The following LCN8 variants were observed in gnomAD, a reference collection of about 807,000 sequenced individuals.
The protein encoded by LCN8 is lipocalin 8.
LCN8 carries 16 observed loss-of-function variants against 22.8 expected under a neutral mutation model. The ratio of observed to expected loss-of-function variants is 0.70; its 90% CI spans 0.47 to 1.06. The LOEUF (loss-of-function observed/expected upper bound fraction) is 1.06, where lower values mean the gene tolerates loss of function less well. Ranked by LOEUF, LCN8 falls within the 50% of genes least tolerant of loss-of-function variation. The pLI is 0.00. For synonymous variants in LCN8, 92 were observed against 83.4 expected (o/e 1.10, Z -0.56); for missense variants, 189 against 203.3 (o/e 0.93, Z 0.43).
rs369638208 is a variant in LCN8, at chr9:136,756,549, C to T, written c.199G>A (p.Asp67Asn). 4 of 1,613,956 alleles carry T rather than the reference C, an allele frequency of 2.5e-6. No homozygotes were observed. The African/African-American group carries it at 4.0e-5, about 16-fold the overall frequency. The change falls in exon 3 of 7, where the codon GAC becomes AAC. Residue 67 changes from aspartate (D) to asparagine (N), a missense_variant. Asp to Asn is a conservative substitution (Grantham distance 23). Coordinates refer to ENST00000371688, the MANE Select transcript of LCN8 (RefSeq NM_178469.4). ...EIEKIVGSEI[D>N]STGKFAFPGH... The stretch of plus-strand genomic sequence containing the variant: ...GGAAAAGCGAATTTTCCCGTACTGT[C>T]TATTTCTGAGCCCACGATCTTCTCT...
chr9:136,754,543 G>T, intron 6 of LCN8, 34 bp from the exon 7 acceptor site: 1 of 1,549,114 alleles, frequency 6.5e-7, no homozygotes. Flanking sequence ...TCAGGCCCGT[G>T]TGGTCTCTGG....
chr9:136,758,466 A>C, upstream of LCN8: 1 of 991,692 alleles, frequency 1.0e-6, no homozygotes, highest in Non-Finnish European at 1.2e-6. Flanking sequence ...GGGCAGTCAG[A>C]GCTCCGGAGG....
intron 5 of LCN8, 29 bp downstream of exon 5, chr9:136,755,215 A>C (rs761685170): frequency 6.2e-7 from 1 of 1,611,092 alleles, no homozygotes; most frequent in Non-Finnish European, 8.5e-7. Flanking sequence ...GGCCCAGCCC[A>C]GCCTCCACCC....
intron 6 of LCN8, chr9:136,754,791 C>T (rs927863023): frequency 8.8e-5 from 121 of 1,372,328 alleles, no homozygotes; most frequent in East Asian, 7.7e-4. Flanking sequence ...ACGGGACCTT[C>T]GGGGGCAGAA....
intron 2 of LCN8, 119 bp from the exon 3 acceptor site, chr9:136,756,711 A>AG (rs57411373): frequency 0.79 from 1,146,993 of 1,449,734 alleles, 458,874 homozygotes; most frequent in East Asian, 0.87. Context: ...GGAGTATCCC[A>AG]GGCCTGGAGC....
Position 136,754,459 on chromosome 9 carries a change from C to A in LCN8, c.*39G>T. The A allele has an allele frequency of 1.3e-6, 1 of 771,802 alleles. No homozygotes were observed. The highest frequency in any genetic ancestry group is 4.6e-5 in the East Asian group (1 of 21,512). The allele number at this position is 771,802 out of a possible 1,614,324, so 47.8% of individuals were successfully genotyped here. A position where few individuals can be genotyped will look rare whatever the true frequency, so the allele number is the denominator to read the frequency against. On this transcript the variant is annotated 3_prime_UTR_variant, in exon 7 of 7. Coordinates refer to ENST00000371688, the MANE Select transcript of LCN8 (RefSeq NM_178469.4). Reference sequence around the variant, plus strand: ...GGTGCCCAGGAGGGGCAGGGGTGGGCGGGCGCTCCGAACCTTGTGGTCTGA... The same window carrying A: ...GGTGCCCAGGAGGGGCAGGGGTGGGAGGGCGCTCCGAACCTTGTGGTCTGA...
At chr9:136,755,023 A>G in intron 6 of LCN8, 112 bp downstream of exon 6, 1 of 1,439,080 alleles carries the variant, frequency 6.9e-7, no homozygotes, top group Non-Finnish European at 9.1e-7. Context: ...AAGGGGTGAG[A>G]AGGCCCAGCC....
intron 3 of LCN8, 191 bp from the exon 4 acceptor site, chr9:136,755,707 T>C (rs149811927): frequency 4.8e-6 from 2 of 414,582 alleles, no homozygotes; most frequent in Non-Finnish European, 7.4e-6. Flanking sequence ...GGGCATGAAA[T>C]GTGCAGGGAA....
At chr9:136,757,850 G>T in intron 1 of LCN8, 57 bp downstream of exon 1, 1 of 1,613,270 alleles carries the variant, frequency 6.2e-7, no homozygotes, top group South Asian at 1.1e-5. Context: ...CTCCTTCCCT[G>T]AGCCTGAGGG....
rs1021416607 is a variant in LCN8 at position 136,756,609 on chromosome 9, T to G, written c.156-17A>C. 3.7e-6 allele frequency: 6 copies of G among 1,612,176 alleles called. No homozygotes were observed. In the East Asian group the frequency reaches 1.3e-4, roughly 36 times the overall value. On this transcript the variant is annotated splice_polypyrimidine_tract_variant and intron_variant, in intron 2 of 6. Transcript: ENST00000371688. ...CTTCCTGAGCTGAAAGGCAGCAAAG[T>G]GCCCATCGGTAAAATGCTAGCCTGT... is the stretch of plus-strand genomic sequence containing the variant.
chr9:136,756,112 C>G, intron 3 of LCN8: 1 of 1,046,066 alleles, frequency 9.6e-7, no homozygotes, highest in Non-Finnish European at 1.3e-6. Flanking sequence ...GTGCAGGGAA[C>G]AGCATGGGGA....
chr9:136,754,466 T>G lies in LCN8; in HGVS notation c.*32A>C, dbSNP rs2282261. On this transcript the variant is annotated 3_prime_UTR_variant, in exon 7 of 7. Coordinates refer to ENST00000371688, the MANE Select transcript of LCN8 (RefSeq NM_178469.4). ...AGGAGGGGCAGGGGTGGGCGGGCGC[T>G]CCGAACCTTGTGGTCTGAGGCAGGA... is the stretch of plus-strand genomic sequence containing the variant. 207,068 of 1,555,658 alleles carry G rather than the reference T, an allele frequency of 0.13. 14,150 individuals are homozygous for G. The highest frequency in any genetic ancestry group is 0.18 in the Admixed American group (9,138 of 51,126).
chr9:136,757,001 A>G (rs377683624), intron 2 of LCN8, 37 bp downstream of exon 2: 12 of 1,606,716 alleles, frequency 7.5e-6, no homozygotes, highest in Non-Finnish European at 1.0e-5. Flanking sequence ...CCGGCCATGC[A>G]TGCCTCTTCC....
intron 6 of LCN8, 134 bp downstream of exon 6, chr9:136,755,000 TC>T (rs1847148920): frequency 1.4e-6 from 2 of 1,431,880 alleles, no homozygotes; most frequent in African/African-American, 2.9e-5. Flanking sequence ...GTGTTTGGTG[TC>T]CTGTTCACAG....
At position 136,756,611 on chromosome 9, in the gene LCN8, C is replaced by T. The variant is rs140586572; in HGVS notation, c.156-19G>A. 4 of 1,611,884 alleles carry T rather than the reference C, an allele frequency of 2.5e-6. No homozygotes were observed. The highest frequency in any genetic ancestry group is 3.4e-6 in the Non-Finnish European group (4 of 1,178,618). On this transcript the variant is annotated intron_variant, in intron 2 of 6. Coordinates refer to ENST00000371688, the MANE Select transcript of LCN8 (RefSeq NM_178469.4). ...TCCTGAGCTGAAAGGCAGCAAAGTG[C>T]CCATCGGTAAAATGCTAGCCTGTGT...
intron 1 of LCN8, chr9:136,757,657 T>C (rs1160279506): frequency 2.1e-6 from 3 of 1,427,082 alleles, no homozygotes; most frequent in Non-Finnish European, 2.7e-6. Flanking sequence ...CGCTGAGACT[T>C]TTAAAAACCC....
upstream of LCN8, chr9:136,758,418 C>A: frequency 1.0e-6 from 1 of 997,170 alleles, no homozygotes; most frequent in Non-Finnish European, 1.2e-6. Flanking sequence ...CCTGTGCCAC[C>A]CCACGCCTGG....
intron 6 of LCN8, chr9:136,754,711 C>T (rs1847141435): frequency 2.1e-6 from 3 of 1,409,672 alleles, no homozygotes; most frequent in Non-Finnish European, 2.8e-6. Flanking sequence ...GTGAGGGAGA[C>T]ACTGGGTTCT....
In LCN8 at chr9:136,754,406, G is replaced by C; in HGVS notation, c.*92C>G. On this transcript the variant is annotated 3_prime_UTR_variant, in exon 7 of 7. Coordinates refer to ENST00000371688, the MANE Select transcript of LCN8 (RefSeq NM_178469.4). ...GTGGCTTGACTTCACAGTTTATTCAGAGCAGGTGCAGGTGACCTGGTGGGC... is the reference window on the plus strand; with the variant it reads ...GTGGCTTGACTTCACAGTTTATTCACAGCAGGTGCAGGTGACCTGGTGGGC... The C allele has an allele frequency of 6.5e-7, 1 of 1,532,560 alleles. No individual in the cohort carries two copies. The highest frequency in any genetic ancestry group is 8.8e-7 in the Non-Finnish European group (1 of 1,140,352). 94.9% of individuals were successfully genotyped at this position (1,532,560 alleles called of 1,614,324 possible). A position where few individuals can be genotyped will look rare whatever the true frequency, so the allele number is the denominator to read the frequency against.
Sources: gnomAD v4.1 joint callset for allele counts on GRCh38, gnomAD v4.1.1 for gene constraint, MANE v1.5 for transcripts, NCBI Gene and HGNC (gene_info 2026-07-23, HGNC 2026-07-21) for gene names.